Variants in SORBS2 observed in about 807,000 individuals in gnomAD.
The protein encoded by SORBS2 is sorbin and SH3 domain-containing protein 2.
In SORBS2, 46 loss-of-function variants were observed where a neutral mutation model predicts 97.7. The observed-to-expected ratio is 0.47, with a 90% CI of 0.37 to 0.60. SORBS2 has a LOEUF of 0.60. Ranked by LOEUF, SORBS2 falls within the 20% of genes least tolerant of loss-of-function variation. The probability of loss-of-function intolerance (pLI) is 0.00; values close to 1 mark genes in which losing one functional copy is unlikely to be tolerated. For synonymous variants in SORBS2, 476 were observed against 473.4 expected, an observed-to-expected ratio of 1.01 and a Z score of -0.07; for missense variants, 1,316 against 1,282.3, an observed-to-expected ratio of 1.03 and a Z score of -0.40.
At chr4:185,661,669 C>CT, upstream of SORBS2, among the ~76,000 whole-genome samples, 1 of 152,262 alleles carries the variant, frequency 6.6e-6, no homozygotes, top group East Asian at 1.9e-4. Context: ...TGCGTCCCTG[C>CT]TATGTGGGAC....
chr4:185,933,393 A>G (rs892664694), intron 1 of SORBS2: 1 of 152,148 alleles, frequency 6.6e-6, no homozygotes, highest in East Asian at 1.9e-4. Flanking sequence ...ATAACAAAGT[A>G]CCACAGACAG....
At chr4:185,658,717 A>C (rs1453611320), upstream of SORBS2, among the ~76,000 whole-genome samples, 1 of 121,874 alleles carries the variant, frequency 8.2e-6, no homozygotes, top group Non-Finnish European at 1.6e-5. Context: ...TTTGAGATGG[A>C]GTCTCGCTCT....
rs566144164 is a variant in SORBS2, at chr4:185,874,173, G to T, written c.-338+82023C>A. On this transcript the variant is annotated intron_variant, in intron 1 of 20. Transcript: ENST00000284776. ...CAAATAAGAGATTGAACTACGGTTT[G>T]CTGAGGCGCTGGAACATAGTGTTGT... Among the ~76,000 whole-genome samples, 180 of 152,284 alleles carry T rather than the reference G, an allele frequency of 1.2e-3. 3 individuals are homozygous for T. Among genetic ancestry groups the T allele is most frequent in the African/African-American group, 4.3e-3 (177 of 41,556 alleles).
In SORBS2 at chr4:185,838,570, C is replaced by G. The variant is rs186094059; in HGVS notation, c.-337-63204G>C. Among the ~76,000 whole-genome samples the G allele has an allele frequency of 1.2e-3, 178 of 152,348 alleles. 1 individual carries two copies. Among genetic ancestry groups the G allele is most frequent in the African/African-American group, 4.0e-3 (167 of 41,570 alleles). ...CCATTAGGGCCTCACTCCCATGTGA[C>G]ACAACAGCCGCCCAAAAGCTCTTGA... On this transcript the variant is annotated intron_variant, in intron 1 of 20. Coordinates refer to the SORBS2 transcript ENST00000284776.
At chr4:185,589,361 A>G in intron 14 of SORBS2, 1 of 294,696 alleles carries the variant, frequency 3.4e-6, no homozygotes, top group East Asian at 8.1e-5. Flanking sequence ...GAGCGTTGAT[A>G]TTTCTCTTCT....
At chr4:185,908,090 G>A (rs566715733) in intron 1 of SORBS2, among the ~76,000 whole-genome samples, 1 of 151,748 alleles carries the variant, frequency 6.6e-6, no homozygotes, top group South Asian at 2.1e-4. Context: ...CAAAACAAGC[G>A]CATTCTCAGG....
At chr4:185,911,288 C>T (rs1014468890) in intron 1 of SORBS2, among the ~76,000 whole-genome samples, 33 of 152,148 alleles carry the variant, frequency 2.2e-4, no homozygotes, top group Non-Finnish European at 8.8e-5. Context: ...AGTGCAGTGG[C>T]ATGATCATGG....
intron 4 of SORBS2, chr4:185,665,916 T>C: frequency 8.3e-7 from 1 of 1,204,828 alleles, no homozygotes; most frequent in Non-Finnish European, 1.1e-6. Flanking sequence ...AGGAGTCTGT[T>C]GTCAGAGAGC....
chr4:185,634,865 G>C (rs1253669203), intron 4 of SORBS2, among the ~76,000 whole-genome samples: 1 of 152,128 alleles, frequency 6.6e-6, no homozygotes, highest in Non-Finnish European at 1.5e-5. Context: ...GTATTTGCCA[G>C]CCCTATTCTT....
At chr4:185,649,536 G>T (rs777179618) in exon 3 of SORBS2, 3 of 1,606,300 alleles carry the variant, frequency 1.9e-6, no homozygotes, top group Non-Finnish European at 2.6e-6. Context: ...GGGAGGCACT[G>T]GGGAGGACGC....
chr4:185,743,881 TCTC>T (rs1562251492), intron 2 of SORBS2, among the ~76,000 whole-genome samples: 3 of 140,978 alleles, frequency 2.1e-5, no homozygotes, highest in African/African-American at 5.4e-5. Flanking sequence ...TCCTCCTCTT[TCTC>T]CTCCTCCTTC....
At chr4:185,757,070 A>G in intron 2 of SORBS2, 1 of 702,650 alleles carries the variant, frequency 1.4e-6, no homozygotes, top group Non-Finnish European at 2.6e-6. Context: ...ATTTTTGTTC[A>G]CTTTGGGATG....
In SORBS2 at chr4:185,651,770, G is replaced by A; in HGVS notation, c.91+892C>T. On this transcript the variant is annotated intron_variant, in intron 2 of 14. Coordinates refer to ENST00000418609, the Ensembl canonical transcript of SORBS2. ...GCATAAAATAGTCATTGCGAGCAAG[G>A]AAACCCATCCTACCTGCATTGTATG... is the stretch of plus-strand genomic sequence containing the variant. 3 of 1,465,064 alleles carry A rather than the reference G, an allele frequency of 2.0e-6. No individual in the cohort carries two copies. Among genetic ancestry groups the A allele is most frequent in the Non-Finnish European group, 2.9e-6 (3 of 1,047,238 alleles). The allele number at this position is 1,465,064 out of a possible 1,614,324, so 90.8% of individuals were successfully genotyped here.
chr4:185,909,020 G>A (rs11735211), intron 1 of SORBS2, among the ~76,000 whole-genome samples: 106,377 of 151,826 alleles, frequency 0.7, 37,331 homozygotes, highest in Middle Eastern at 0.78. Context: ...TGGTATATTT[G>A]TATGAATCCA....
intron 1 of SORBS2, among the ~76,000 whole-genome samples, chr4:185,842,470 C>T (rs2099212134): frequency 6.6e-6 from 1 of 152,122 alleles, no homozygotes; most frequent in South Asian, 2.1e-4. Flanking sequence ...CATGACCTTA[C>T]TGTAAACCTA....
At chr4:185,650,050 T>C (rs576819609) in intron 2 of SORBS2, among the ~76,000 whole-genome samples, 146 of 152,328 alleles carry the variant, frequency 9.6e-4, no homozygotes, top group African/African-American at 3.2e-3. Context: ...AAATATCTTC[T>C]AATACTTTAA....
intron 1 of SORBS2, among the ~76,000 whole-genome samples, chr4:185,899,907 G>T (rs565475271): frequency 1.3e-5 from 2 of 152,290 alleles, no homozygotes; most frequent in South Asian, 4.1e-4. Context: ...TGTGGCCACA[G>T]CCTGGAGGAA....
intron 4 of SORBS2, among the ~76,000 whole-genome samples, chr4:185,642,157 G>T (rs1254231825): frequency 6.6e-6 from 1 of 152,092 alleles, no homozygotes; most frequent in African/African-American, 2.4e-5. Flanking sequence ...AATTCTTAAT[G>T]GTCATCAGAT....
intron 2 of SORBS2, among the ~76,000 whole-genome samples, chr4:185,696,928 G>C (rs1198328422): frequency 6.6e-6 from 1 of 152,132 alleles, no homozygotes; most frequent in Non-Finnish European, 1.5e-5. Flanking sequence ...AATTTCTAAT[G>C]AAAATAATTC....
Sources: gnomAD v4.1 joint callset for allele counts (sites outside exome capture counted in the v4.1 genomes callset) on GRCh38, gnomAD v4.1.1 for gene constraint, MANE v1.5 for transcripts, NCBI Gene and HGNC (gene_info 2026-07-23, HGNC 2026-07-21) for gene names.